ABHD2: variants seen among roughly 807,000 people sequenced by gnomAD.
ABHD2 encodes abhydrolase domain containing 2, acylglycerol lipase.
Under a neutral mutation model 48.1 loss-of-function variants are expected in ABHD2, and 20 were observed. The ratio of observed to expected loss-of-function variants is 0.42; its 90% CI spans 0.29 to 0.60. ABHD2 has a LOEUF of 0.60. ABHD2 is among the 20% of genes least tolerant of loss of function. The pLI is 0.24. For missense variants in ABHD2, 405 were observed against 550.9 expected (o/e 0.74, Z 2.65); for synonymous variants, 209 against 214.2 (o/e 0.98, Z 0.21).
At chr15:89,068,849 A>G in the ABHD2 span, among the ~76,000 whole-genome samples, 1 of 124,656 alleles carries the variant, frequency 8.0e-6, no homozygotes, top group Admixed American at 1.0e-4. Flanking sequence ...GCTCACTGCA[A>G]CCTCCACCTC....
chr15:89,081,589 G>C, the ABHD2 span, among the ~76,000 whole-genome samples: 1 of 152,140 alleles, frequency 6.6e-6, no homozygotes, highest in African/African-American at 2.4e-5. Flanking sequence ...ATAGTTGGCC[G>C]GGTGCAGTGG....
At chr15:89,056,032 T>C in the ABHD2 span, among the ~76,000 whole-genome samples, 1 of 152,026 alleles carries the variant, frequency 6.6e-6, no homozygotes, top group Non-Finnish European at 1.5e-5. Context: ...TAAAAATATT[T>C]TGTAGAGACA....
At chr15:89,150,770 C>T (rs1359178336) in intron 3 of ABHD2, among the ~76,000 whole-genome samples, 4 of 152,220 alleles carry the variant, frequency 2.6e-5, no homozygotes, top group Admixed American at 2.0e-4. Flanking sequence ...ACGTCACTAT[C>T]ATTTTATATT....
At chr15:89,135,714 C>T in intron 3 of ABHD2, 1 of 1,353,920 alleles carries the variant, frequency 7.4e-7, no homozygotes, top group South Asian at 1.2e-5. Flanking sequence ...TCTTACTTTT[C>T]CTTCAGCTTC....
At chr15:89,044,062 A>C in the ABHD2 span, among the ~76,000 whole-genome samples, 2,812 of 151,852 alleles carry the variant, frequency 0.019, 80 homozygotes, top group African/African-American at 0.064. Context: ...ACTTCCCCCA[A>C]CCCACAACAG....
upstream of ABHD2, chr15:89,087,877 CCTT>C (rs1901419250): frequency 6.6e-6 from 1 of 152,232 alleles, no homozygotes; most frequent in South Asian, 2.1e-4. The surrounding 1 kb of genome is among the most constrained non-coding windows in gnomAD (Gnocchi z 5.5). Flanking sequence ...CTTTTCCTCT[CCTT>C]CGGGTTCGGT....
At chr15:89,061,276 GGC>G in the ABHD2 span, among the ~76,000 whole-genome samples, 1 of 150,830 alleles carries the variant, frequency 6.6e-6, no homozygotes, top group Non-Finnish European at 1.5e-5. Flanking sequence ...AAATTAGCCA[GGC>G]GTGGTGGCAT....
intron 1 of ABHD2, among the ~76,000 whole-genome samples, chr15:89,107,169 G>C (rs1449451679): frequency 6.6e-6 from 1 of 152,172 alleles, no homozygotes; most frequent in Non-Finnish European, 1.5e-5. Context: ...AGGAGCAGGG[G>C]TTCCAGCTGT....
At chr15:89,149,448 AAAT>A (rs1181702825) in intron 3 of ABHD2, among the ~76,000 whole-genome samples, 27 of 152,226 alleles carry the variant, frequency 1.8e-4, no homozygotes, top group Non-Finnish European at 3.7e-4. Flanking sequence ...TCATTGAAGC[AAAT>A]CTCCCCCAGG....
In ABHD2 at chr15:89,142,593, A is replaced by T. The variant is rs149312506; in HGVS notation, c.195-9084A>T. Among the ~76,000 whole-genome samples the T allele has an allele frequency of 5.3e-5, 8 of 152,290 alleles. No homozygotes were observed. In the East Asian group the frequency reaches 1.5e-3, roughly 29 times the overall value. On this transcript the variant is annotated intron_variant, in intron 3 of 10. Transcript: ENST00000352732. ...CTCTCATTCCTTTTTAATCTGTGAA[A>T]TCATGAGCCTTACTCTTGCCTTGTT...
chr15:89,042,740 G>A, the ABHD2 span, among the ~76,000 whole-genome samples: 8 of 151,896 alleles, frequency 5.3e-5, no homozygotes, highest in African/African-American at 9.7e-5. Flanking sequence ...TCTGCCTCCC[G>A]GGTTCAAGTG....
chr15:89,136,367 C>G (rs892351415), intron 3 of ABHD2: 2 of 520,336 alleles, frequency 3.8e-6, no homozygotes, highest in African/African-American at 1.9e-5. Flanking sequence ...CTGAGCACTT[C>G]TTAGAAAACT....
chr15:89,053,256 G>A, the ABHD2 span, among the ~76,000 whole-genome samples: 5 of 152,112 alleles, frequency 3.3e-5, no homozygotes, highest in African/African-American at 7.2e-5. Flanking sequence ...ATGAGCCACC[G>A]TACCCGGCCT....
In ABHD2 at chr15:89,159,075, G is replaced by A. The variant is rs144248299; in HGVS notation, c.538+3541G>A. 4.4e-3 allele frequency among the ~76,000 whole-genome samples: 665 copies of A among 151,746 alleles called. 6 individuals are homozygous for A. Among genetic ancestry groups the A allele is most frequent in the African/African-American group, 0.015 (639 of 41,410 alleles). On this transcript the variant is annotated intron_variant, in intron 5 of 10. Transcript: ENST00000352732. ...GTTCTGCCAGGGAGATGTGAGTGTC[G>A]TTAAAGAATTACAATACAACGCCGG...
chr15:89,193,920 CAAAA>C (rs60255237), intron 10 of ABHD2, among the ~76,000 whole-genome samples: 5 of 103,354 alleles, frequency 4.8e-5, no homozygotes, highest in Non-Finnish European at 4.0e-5. Flanking sequence ...GACTCCGTCT[CAAAA>C]AAAAAAAAAA....
intron 2 of ABHD2, among the ~76,000 whole-genome samples, chr15:89,115,991 A>G (rs2150814220): frequency 6.6e-6 from 1 of 152,312 alleles, no homozygotes; most frequent in Non-Finnish European, 1.5e-5. Flanking sequence ...TCTTCGACTG[A>G]TCTTATTTTT....
the ABHD2 span, among the ~76,000 whole-genome samples, chr15:89,059,148 C>T: frequency 6.6e-6 from 1 of 152,150 alleles, no homozygotes; most frequent in Admixed American, 6.5e-5. Context: ...TCCCATCATG[C>T]CCTCTTCCAT....
At chr15:89,130,042 A>G (rs145495432) in intron 3 of ABHD2, among the ~76,000 whole-genome samples, 69 of 152,356 alleles carry the variant, frequency 4.5e-4, no homozygotes, top group African/African-American at 1.6e-3. Flanking sequence ...AATACATGTA[A>G]TAAGCACCTC....
chr15:89,051,635 G>T, the ABHD2 span, among the ~76,000 whole-genome samples: 4 of 152,154 alleles, frequency 2.6e-5, no homozygotes, highest in Non-Finnish European at 5.9e-5. Context: ...GGTCTTTCCC[G>T]TGTTGTTCTC....
Sources: allele counts gnomAD v4.1 joint callset (sites outside exome capture counted in the v4.1 genomes callset), GRCh38; gene constraint gnomAD v4.1.1; non-coding constraint Gnocchi (gnomAD v3.1); transcripts MANE v1.5; gene names NCBI Gene and HGNC (gene_info 2026-07-23, HGNC 2026-07-21).